The following DNAH9 variants were observed in gnomAD, a reference collection of about 807,000 sequenced individuals.
The protein encoded by DNAH9 is DNAH9 variant protein.
DNAH9 carries 345 observed loss-of-function variants against 471.6 expected under a neutral mutation model. The observed-to-expected ratio is 0.73, with a 90% CI of 0.67 to 0.80. The LOEUF is 0.80. Ranked by LOEUF, DNAH9 falls within the 30% of genes least tolerant of loss-of-function variation. The pLI is 0.00. For synonymous variants in DNAH9, 2,093 were observed against 2,123.6 expected (o/e 0.99, Z 0.40); for missense variants, 5,407 against 5,609.2 (o/e 0.96, Z 1.15).
At chr17:11,935,321 T>G (rs901985630) in intron 65 of DNAH9, among the ~76,000 whole-genome samples, 7 of 151,902 alleles carry the variant, frequency 4.6e-5, no homozygotes, top group African/African-American at 1.7e-4. Context: ...ACAGCTATGT[T>G]TAAAGTATTC....
At chr17:11,853,920 G>C in intron 49 of DNAH9, 83 bp from the exon 50 acceptor site, 2 of 1,348,012 alleles carry the variant, frequency 1.5e-6, no homozygotes, top group Non-Finnish European at 2.0e-6. Flanking sequence ...CAAACCGATC[G>C]CTCCACAACC....
chr17:11,892,007 G>A lies in DNAH9; in HGVS notation c.11283+60G>A. On this transcript the variant is annotated intron_variant, in intron 58 of 68. Transcript: ENST00000262442. This position sits in a 1 kb window ranked among gnomAD's most constrained non-coding sequence, Gnocchi z 4.3. ...GTTATTTTTAGTGCCCAGACAGCAG[G>A]TGTTAAGAAACTTTCTTCTTTGAAC... 3.2e-6 allele frequency: 5 copies of A among 1,579,894 alleles called. No homozygotes were observed. Among genetic ancestry groups the A allele is most frequent in the Non-Finnish European group, 4.3e-6 (5 of 1,155,168 alleles).
chr17:11,962,809 G>A lies in DNAH9; in HGVS notation c.13233+553G>A, dbSNP rs1356601610. Among the ~76,000 whole-genome samples the A allele has an allele frequency of 6.6e-6, 1 of 152,036 alleles. No individual in the cohort carries two copies. Among genetic ancestry groups the A allele is most frequent in the African/African-American group, 2.4e-5 (1 of 41,400 alleles). ...TCCTTGGTCCACTTTCCACATTCAT[G>A]AGCTCTCAAAGGGCAGGAATCTTCT... On this transcript the variant is annotated intron_variant, in intron 68 of 68. Transcript: ENST00000262442. The surrounding 1 kb of genome is among the most constrained non-coding windows in gnomAD (Gnocchi z 4.1).
At chr17:11,874,297 A>C (rs556699949) in intron 52 of DNAH9, among the ~76,000 whole-genome samples, 1 of 152,086 alleles carries the variant, frequency 6.6e-6, no homozygotes, top group East Asian at 1.9e-4. Context: ...AAAGAAGAAA[A>C]GGCAGTGTCT....
chr17:11,669,252 C>T lies in DNAH9; in HGVS notation c.2920C>T (p.His974Tyr). 5 of 1,613,054 alleles carry T rather than the reference C, an allele frequency of 3.1e-6. No individual in the cohort carries two copies. The highest frequency in any genetic ancestry group is 3.4e-6 in the Non-Finnish European group (4 of 1,179,404). The change falls in exon 16 of 69, where the codon CAC (histidine) becomes TAC (tyrosine). Residue 974 changes from histidine (H) to tyrosine (Y), a missense_variant. By Grantham distance (83) the His-to-Tyr change is moderately conservative. Around this residue, in one of 3 missense-constraint regions of DNAH9, gnomAD observed 4,636 missense variants for 4,900.3 expected, o/e 0.95. Coordinates refer to ENST00000262442, the MANE Select transcript of DNAH9 (RefSeq NM_001372.4). ...PRLSPQNGSP[H>Y]YQVDLDGIPD... ...GCTTTCCCCACAAAATGGCTCTCCT[C>T]ACTATCAGGTACTGGAGCTGCAGCC... is the stretch of plus-strand genomic sequence containing the variant.
chr17:11,712,295 A>G (rs947622751), intron 26 of DNAH9, among the ~76,000 whole-genome samples: 5 of 150,936 alleles, frequency 3.3e-5, no homozygotes, highest in Non-Finnish European at 7.4e-5. Context: ...ATAATATTCA[A>G]TTTTATAGAT....
chr17:11,656,374 G>T (rs1296716391), intron 14 of DNAH9, among the ~76,000 whole-genome samples: 1 of 152,010 alleles, frequency 6.6e-6, no homozygotes, highest in Non-Finnish European at 1.5e-5. Context: ...TTTGAGAATT[G>T]TCTATTCGCA....
rs1427814961 is a variant in DNAH9 at position 11,610,574 on chromosome 17, C to T, written c.773+20C>T. 1 of 1,610,250 alleles carries T rather than the reference C, an allele frequency of 6.2e-7. No individual in the cohort carries two copies. The highest frequency in any genetic ancestry group is 2.2e-5 in the East Asian group (1 of 44,850). On this transcript the variant is annotated intron_variant, in intron 3 of 68. Coordinates refer to ENST00000262442, the MANE Select transcript of DNAH9 (RefSeq NM_001372.4). ...GAGCAGGTAGGCAAGAAGGCACATG[C>T]TGGAAGTCTGGGGTGAAGATGTCTT...
chr17:11,854,075 G>A lies in DNAH9; in HGVS notation c.9580G>A (p.Val3194Ile). The A allele has an allele frequency of 6.2e-7, 1 of 1,614,156 alleles. No individual in the cohort carries two copies. The change falls in exon 50 of 69, where the codon GTA becomes ATA. Residue 3194 changes from valine to isoleucine, a missense_variant. Transcript: ENST00000262442. ...CAGCAATGTCAGCGCTGCGGTGATG[G>A]TACTGATGGCTCCCAGGGGTAGGGT... Reference protein sequence around the residue: ...AVSNVSAAVMVLMAPRGRVPK... With the variant: ...AVSNVSAAVMILMAPRGRVPK...
chr17:11,875,647 A>G, intron 53 of DNAH9: 1 of 157,388 alleles, frequency 6.4e-6, no homozygotes, highest in South Asian at 1.9e-4. Context: ...ACATTTCAGT[A>G]GGTCCCATGA....
At position 11,681,018 on chromosome 17, in the gene DNAH9, A is replaced by G. The variant is rs2074124671; in HGVS notation, c.3743+129A>G. On this transcript the variant is annotated intron_variant, in intron 19 of 68. Coordinates refer to ENST00000262442, the MANE Select transcript of DNAH9 (RefSeq NM_001372.4). ...CAGTTAATAATCTTCCTTCCCATTTAGGACCTTTGGTTGAAACGTGGTGCT... is the reference window on the plus strand; with the variant it reads ...CAGTTAATAATCTTCCTTCCCATTTGGGACCTTTGGTTGAAACGTGGTGCT... The G allele has an allele frequency of 6.6e-6, 6 of 905,060 alleles. No individual in the cohort carries two copies. In the South Asian group the frequency reaches 1.1e-4, roughly 16 times the overall value. 56.1% of individuals were successfully genotyped at this position (905,060 alleles called of 1,614,324 possible).
chr17:11,647,292 G>A lies in DNAH9; in HGVS notation c.2097+94G>A, dbSNP rs558111814. 72 of 1,303,558 alleles carry A rather than the reference G, an allele frequency of 5.5e-5. No homozygotes were observed. In the African/African-American group the frequency reaches 9.6e-4, roughly 17 times the overall value. 80.7% of individuals were successfully genotyped at this position (1,303,558 alleles called of 1,614,324 possible). ...AGCGTAAAGACTTTTATTTTTTTGA[G>A]ACGGAGTTTCACTCTTGTCGCCCAG... On this transcript the variant is annotated intron_variant, in intron 12 of 68. Transcript: ENST00000262442.
intron 49 of DNAH9, among the ~76,000 whole-genome samples, chr17:11,844,294 AT>A (rs1308119136): frequency 6.6e-6 from 1 of 152,180 alleles, no homozygotes; most frequent in African/African-American, 2.4e-5. Context: ...AAGTTTAATA[AT>A]TTATTATAAT....
At position 11,935,373 on chromosome 17, in the gene DNAH9, A is replaced by AT. The variant is rs140943753; in HGVS notation, c.12489+1320dup. Among the ~76,000 whole-genome samples the AT allele has an allele frequency of 6.6e-3, 923 of 140,392 alleles. 2 individuals are homozygous for AT. Among genetic ancestry groups the AT allele is most frequent in the Middle Eastern group, 0.014 (4 of 276 alleles). 92.1% of individuals were successfully genotyped at this position (140,392 alleles called of 152,430 possible). A position where few individuals can be genotyped will look rare whatever the true frequency, so the allele number is the denominator to read the frequency against. On this transcript the variant is annotated intron_variant, in intron 65 of 68. Coordinates refer to ENST00000262442, the MANE Select transcript of DNAH9 (RefSeq NM_001372.4). ...CCTTCCATGGAAAACATTCCAAAAG[A>AT]TTTTTTTTTTTTTTTTTTATAAGAC... is the stretch of plus-strand genomic sequence containing the variant.
chr17:11,946,143 C>T (rs539021729), intron 67 of DNAH9, among the ~76,000 whole-genome samples: 15 of 130,602 alleles, frequency 1.1e-4, no homozygotes, highest in South Asian at 5.0e-4. Flanking sequence ...GAGGTTGCAG[C>T]GAGCTGAGAT....
intron 64 of DNAH9, among the ~76,000 whole-genome samples, chr17:11,933,565 C>T (rs1048555640): frequency 1.3e-5 from 2 of 151,568 alleles, no homozygotes; most frequent in East Asian, 1.9e-4. Flanking sequence ...TTTTTAGTAG[C>T]GATGGGGTTT....
rs746037990 is a variant in DNAH9, at chr17:11,883,659, TCTC to T, written c.10885_10887del (p.Ser3629del). 1.2e-6 allele frequency: 2 copies of T among 1,614,014 alleles called. No individual in the cohort carries two copies. Among genetic ancestry groups the T allele is most frequent in the Non-Finnish European group, 1.7e-6 (2 of 1,179,972 alleles). ...TTGGAAGACAGTCTTCTCTCTCGCC[TCTC>T]CTCCGCCTCTGGGAACTTCCTGGGA... On this transcript the variant is annotated inframe_deletion, in exon 56 of 69. Transcript: ENST00000262442.
In DNAH9 at chr17:11,658,753, G is replaced by C. The variant is rs367904966; in HGVS notation, c.2595+5751G>C. ...ATGATTTCTCTGCATCTCCTGAGGTGGTTATATAATTTTACTCCTTTTTTC... is the reference window on the plus strand; with the variant it reads ...ATGATTTCTCTGCATCTCCTGAGGTCGTTATATAATTTTACTCCTTTTTTC... On this transcript the variant is annotated intron_variant, in intron 14 of 68. Transcript: ENST00000262442. 3.3e-5 allele frequency among the ~76,000 whole-genome samples: 5 copies of C among 151,792 alleles called. No individual in the cohort carries two copies. The East Asian group carries it at 7.7e-4, about 23-fold the overall frequency.
At chr17:11,835,844 C>T (rs536680371) in intron 49 of DNAH9, among the ~76,000 whole-genome samples, 66 of 152,278 alleles carry the variant, frequency 4.3e-4, no homozygotes, top group African/African-American at 1.6e-3. Flanking sequence ...ATGCAAGTGG[C>T]TCACATCTGG....
Sources: allele counts gnomAD v4.1 joint callset (sites outside exome capture counted in the v4.1 genomes callset), GRCh38; gene constraint gnomAD v4.1.1; regional missense constraint gnomAD v4.1.1; non-coding constraint Gnocchi (gnomAD v3.1); transcripts MANE v1.5; gene names NCBI Gene and HGNC (gene_info 2026-07-23, HGNC 2026-07-21).